JMJD1C: variants seen among roughly 807,000 people sequenced by gnomAD.
JMJD1C encodes the protein jumonji domain containing 1C, also known as jumonji domain-containing protein 1C.
JMJD1C carries 31 observed loss-of-function variants against 245.3 expected under a neutral mutation model. That is an observed-to-expected ratio of 0.13 (90% CI 0.09 to 0.17). JMJD1C has a LOEUF of 0.17. Ranked by LOEUF, JMJD1C falls within the 10% of genes least tolerant of loss-of-function variation. JMJD1C has a pLI of 1.00. For missense variants in JMJD1C, 2,691 were observed against 3,000.2 expected, an observed-to-expected ratio of 0.90 and a Z score of 2.41; for synonymous variants, 1,057 against 1,017.4, an observed-to-expected ratio of 1.04 and a Z score of -0.74.
At chr10:63,182,123 A>T (rs1476730530) in intron 22 of JMJD1C, among the ~76,000 whole-genome samples, 1 of 152,244 alleles carries the variant, frequency 6.6e-6, no homozygotes, top group Non-Finnish European at 1.5e-5. Context: ...CTAGCCATTA[A>T]GCTCCAATCT....
At chr10:63,426,626 G>C (rs1284655591) in intron 1 of JMJD1C, among the ~76,000 whole-genome samples, 1 of 151,808 alleles carries the variant, frequency 6.6e-6, no homozygotes, top group Non-Finnish European at 1.5e-5. Flanking sequence ...AGCCAAGATC[G>C]CGCCATTGCA....
chr10:63,424,607 A>G (rs2132775725), intron 1 of JMJD1C, among the ~76,000 whole-genome samples: 1 of 149,122 alleles, frequency 6.7e-6, no homozygotes, highest in African/African-American at 2.5e-5. Context: ...CCTGGGCTCA[A>G]GCAATCCTCC....
intron 1 of JMJD1C, among the ~76,000 whole-genome samples, chr10:63,436,551 C>T (rs141918502): frequency 5.1e-4 from 78 of 152,316 alleles, no homozygotes; most frequent in African/African-American, 1.8e-3. Context: ...CACACTCATG[C>T]GTACCCTAAA....
intron 2 of JMJD1C, among the ~76,000 whole-genome samples, chr10:63,376,095 A>G (rs1225574310): frequency 1.3e-5 from 2 of 152,162 alleles, no homozygotes; most frequent in African/African-American, 4.8e-5. Context: ...GAACATACAG[A>G]CCAATGGAAT....
Position 63,190,604 on chromosome 10 carries a change from TC to T in JMJD1C, c.6291+289del, listed in dbSNP as rs1200715714. Among the ~76,000 whole-genome samples, 8 of 152,320 alleles carry T rather than the reference TC, an allele frequency of 5.3e-5. No homozygotes were observed. The East Asian group carries it at 1.5e-3, about 29-fold the overall frequency. On this transcript the variant is annotated intron_variant, in intron 17 of 25. Transcript: ENST00000399262. Reference sequence around the variant, plus strand: ...TTTTAAGTAACATACAACATTCACTTCCATGTGGGTTTTTCCCTTCACTAGA... The same window carrying T: ...TTTTAAGTAACATACAACATTCACTTCATGTGGGTTTTTCCCTTCACTAGA...
Position 63,189,363 on chromosome 10 carries a change from T to C in JMJD1C, c.6375A>G (p.Lys2125=). The part of the protein sequence containing the change: ...SVVENKIPPS[K]TSKINVKPEL... ...CTGGTTTTACATTTATCTTGGAGGT[T>C]TTACTTGGTGGAATTTTGTTTTCAA... The change falls in exon 18 of 26, where the codon AAA becomes AAG. Residue 2125 remains lysine, a synonymous_variant. Coordinates refer to ENST00000399262, the MANE Select transcript of JMJD1C (RefSeq NM_032776.3). 1 of 1,613,864 alleles carries C rather than the reference T, an allele frequency of 6.2e-7. No homozygotes were observed. Among genetic ancestry groups the C allele is most frequent in the African/African-American group, 1.3e-5 (1 of 75,028 alleles).
At chr10:63,205,603 T>A (rs1238375925) in intron 10 of JMJD1C, among the ~76,000 whole-genome samples, 1 of 152,212 alleles carries the variant, frequency 6.6e-6, no homozygotes, top group Non-Finnish European at 1.5e-5. Context: ...GTAGGTTACA[T>A]GCAAATATAG....
chr10:63,315,838 CAAAAAAAAAAAAAAAACACCACGAA>C (rs774125280), intron 2 of JMJD1C, among the ~76,000 whole-genome samples: 1 of 55,280 alleles, frequency 1.8e-5, no homozygotes, highest in Non-Finnish European at 4.2e-5. Context: ...GACACCGTCT[CAAAAAAAAAAAAAAAACACCACGAA>C]AAAAAAAAAG....
At chr10:63,509,568 T>C (rs1162652248) in intron 1 of JMJD1C, among the ~76,000 whole-genome samples, 1 of 152,240 alleles carries the variant, frequency 6.6e-6, no homozygotes, top group African/African-American at 2.4e-5. Flanking sequence ...TTATTAATTG[T>C]AGATTCAGCT....
chr10:63,455,624 TTC>T (rs1952361745), intron 1 of JMJD1C, among the ~76,000 whole-genome samples: 1 of 152,126 alleles, frequency 6.6e-6, no homozygotes, highest in African/African-American at 2.4e-5. Flanking sequence ...CAAGAAAAGT[TTC>T]TCTCTTTAAA....
chr10:63,349,100 CAAAAAAAAAA>C (rs71463516), intron 2 of JMJD1C, among the ~76,000 whole-genome samples: 16 of 34,874 alleles, frequency 4.6e-4, no homozygotes, highest in African/African-American at 4.8e-4. Context: ...GACTCTGTCT[CAAAAAAAAAA>C]AAAAAAAAAA....
chr10:63,264,605 A>C, intron 3 of JMJD1C, 46 bp downstream of exon 3: 1 of 817,726 alleles, frequency 1.2e-6, no homozygotes, highest in Non-Finnish European at 2.0e-6. Flanking sequence ...ATATCAATAA[A>C]GTTTAATTAA....
At chr10:63,411,905 A>AT (rs1174450794) in intron 1 of JMJD1C, among the ~76,000 whole-genome samples, 6,471 of 126,170 alleles carry the variant, frequency 0.051, 366 homozygotes, top group East Asian at 0.25. Flanking sequence ...GCCTGGCCCA[A>AT]TTTTTTTTTT....
rs965532808 is a variant in JMJD1C, at chr10:63,215,378, T to C, written c.900A>G (p.Thr300=). The part of the protein sequence containing the change: ...NSQAAVPKQN[T]HQQQQQRSIR... ...TACTTCTTTGTTGCTGTTGCTGGTG[T>C]GTATTCTGTTTTGGTACAGCAGCTT... The change falls in exon 7 of 26, where the codon ACA becomes ACG. Residue 300 remains threonine (T), a synonymous_variant. Transcript: ENST00000399262. The C allele has an allele frequency of 6.8e-6, 11 of 1,614,106 alleles. No individual in the cohort carries two copies. Among genetic ancestry groups the C allele is most frequent in the Admixed American group, 1.7e-5 (1 of 60,006 alleles).
At chr10:63,511,329 T>A (rs370493202) in intron 1 of JMJD1C, among the ~76,000 whole-genome samples, 1 of 152,246 alleles carries the variant, frequency 6.6e-6, no homozygotes, top group South Asian at 2.1e-4. Flanking sequence ...CTTGGCATAT[T>A]GATTATACAG....
In JMJD1C at chr10:63,308,739, T is replaced by TC. The variant is rs201659038; in HGVS notation, c.334-43976dup. 1.0e-3 allele frequency among the ~76,000 whole-genome samples: 92 copies of TC among 87,994 alleles called. 1 individual carries two copies. In the East Asian group the frequency reaches 0.025, roughly 24 times the overall value. 57.7% of individuals were successfully genotyped at this position (87,994 alleles called of 152,430 possible). ...AAAAAATAAAATTGAAATGACAACATCCATTTGAGAACAAAAAAAAAAAAA... is the reference window on the plus strand; with the variant it reads ...AAAAAATAAAATTGAAATGACAACATCCCATTTGAGAACAAAAAAAAAAAAA... On this transcript the variant is annotated intron_variant, in intron 2 of 25. Coordinates refer to ENST00000399262, the MANE Select transcript of JMJD1C (RefSeq NM_032776.3).
chr10:63,440,385 G>C (rs1951314004), intron 1 of JMJD1C, among the ~76,000 whole-genome samples: 1 of 150,346 alleles, frequency 6.7e-6, no homozygotes, highest in South Asian at 2.1e-4. Context: ...GAGAGAGAGA[G>C]AGAGCGCAAG....
chr10:63,188,970 A>G (rs1220562564), intron 18 of JMJD1C, among the ~76,000 whole-genome samples, 198 bp downstream of exon 18: 1 of 152,204 alleles, frequency 6.6e-6, no homozygotes, highest in African/African-American at 2.4e-5. Flanking sequence ...CTATTAATTC[A>G]TATTAAATCT....
At chr10:63,239,521 T>C (rs759899522) in intron 3 of JMJD1C, among the ~76,000 whole-genome samples, 16 of 152,160 alleles carry the variant, frequency 1.1e-4, no homozygotes, top group Non-Finnish European at 1.6e-4. Context: ...CTTGGCTCAC[T>C]GCAACCTCCG....
Sources: allele counts gnomAD v4.1 joint callset (sites outside exome capture counted in the v4.1 genomes callset), GRCh38; gene constraint gnomAD v4.1.1; transcripts MANE v1.5; gene names NCBI Gene and HGNC (gene_info 2026-07-23, HGNC 2026-07-21).